Variants in FCHO2 observed in about 807,000 individuals in gnomAD.
FCHO2 encodes the protein F-BAR domain only protein 2.
A neutral mutation model predicts 114.1 loss-of-function variants in FCHO2; 43 were observed. The ratio of observed to expected loss-of-function variants is 0.38; its 90% confidence interval spans 0.30 to 0.49. The LOEUF is 0.49. Ranked by LOEUF, FCHO2 falls within the 20% of genes least tolerant of loss-of-function variation. FCHO2 has a pLI of 0.97. For missense variants in FCHO2, 807 were observed against 950.4 expected, an observed-to-expected ratio of 0.85 and a Z score of 1.98; for synonymous variants, 293 against 315.2, an observed-to-expected ratio of 0.93 and a Z score of 0.75.
intron 2 of FCHO2, among the ~76,000 whole-genome samples, chr5:72,986,054 A>C (rs756632460): frequency 6.6e-6 from 1 of 151,800 alleles, no homozygotes; most frequent in Non-Finnish European, 1.5e-5. Flanking sequence ...CTGAACTTCA[A>C]TGTTGGATAA....
At chr5:73,035,813 A>G (rs561135491) in intron 9 of FCHO2, among the ~76,000 whole-genome samples, 1 of 152,052 alleles carries the variant, frequency 6.6e-6, no homozygotes, top group Non-Finnish European at 1.5e-5. Flanking sequence ...CTACTGCTCA[A>G]TTCTCAAAGA....
At chr5:73,018,838 AT>A (rs374974588) in intron 8 of FCHO2, among the ~76,000 whole-genome samples, 2 of 151,992 alleles carry the variant, frequency 1.3e-5, no homozygotes, top group Non-Finnish European at 2.9e-5. Context: ...TTGCAGTGGT[AT>A]TTTTTTTAGC....
intron 5 of FCHO2, chr5:72,996,883 C>G (rs62360759): frequency 4.7e-6 from 7 of 1,483,536 alleles, no homozygotes; most frequent in Admixed American, 4.0e-5. Flanking sequence ...CCGGGGCCGG[C>G]GGGGCCGGCA....
chr5:72,986,546 C>G (rs1200453357), intron 2 of FCHO2, among the ~76,000 whole-genome samples: 1 of 152,116 alleles, frequency 6.6e-6, no homozygotes, highest in African/African-American at 2.4e-5. Context: ...CTTAACTGCC[C>G]CTTAAGTTTT....
chr5:73,065,385 A>G (rs1462734627), intron 18 of FCHO2, among the ~76,000 whole-genome samples: 2 of 151,994 alleles, frequency 1.3e-5, no homozygotes, highest in Admixed American at 1.3e-4. Flanking sequence ...TTTCCTCTGT[A>G]TTTCACCACC....
chr5:72,978,852 A>C (rs1016025205), intron 2 of FCHO2, among the ~76,000 whole-genome samples: 4 of 152,108 alleles, frequency 2.6e-5, no homozygotes, highest in Admixed American at 1.3e-4. Context: ...CCTTTTCTGC[A>C]TGTATTGAGA....
chr5:73,055,964 A>G, intron 15 of FCHO2, 101 bp from the exon 16 acceptor site: 1 of 749,312 alleles, frequency 1.3e-6, no homozygotes. Context: ...CAAAATTTTT[A>G]ATTGTTATAG....
chr5:73,012,465 A>G (rs1755073546), intron 6 of FCHO2, among the ~76,000 whole-genome samples: 1 of 152,048 alleles, frequency 6.6e-6, no homozygotes, highest in African/African-American at 2.4e-5. Flanking sequence ...CTAAAAATAC[A>G]AAAATTAGCT....
At chr5:73,051,074 C>A in intron 11 of FCHO2, 1 of 337,954 alleles carries the variant, frequency 3.0e-6, no homozygotes, top group Admixed American at 5.1e-5. Context: ...GAATTGGTCC[C>A]CACCTCAGTG....
intron 8 of FCHO2, among the ~76,000 whole-genome samples, chr5:73,023,996 C>A (rs1247646803): frequency 6.6e-6 from 1 of 152,068 alleles, no homozygotes; most frequent in East Asian, 1.9e-4. Context: ...TAGGAATTAC[C>A]TTTAAGCTCA....
intron 11 of FCHO2, among the ~76,000 whole-genome samples, chr5:73,044,977 A>G (rs1756987293): frequency 6.6e-6 from 1 of 152,194 alleles, no homozygotes. Flanking sequence ...TTTTATTAAT[A>G]TCAGGTTTCT....
chr5:73,047,669 C>G (rs1394706265), intron 11 of FCHO2, among the ~76,000 whole-genome samples: 1 of 151,766 alleles, frequency 6.6e-6, no homozygotes, highest in East Asian at 1.9e-4. Context: ...GCTCAAGTCC[C>G]TTACATAAAC....
chr5:73,022,826 C>T (rs1246811705), intron 8 of FCHO2, among the ~76,000 whole-genome samples: 1 of 152,220 alleles, frequency 6.6e-6, no homozygotes, highest in African/African-American at 2.4e-5. Flanking sequence ...TCTTTTCTTT[C>T]ATTTTTGCTT....
chr5:73,062,776 C>G (rs1042745968), intron 17 of FCHO2, among the ~76,000 whole-genome samples: 6 of 152,020 alleles, frequency 3.9e-5, no homozygotes, highest in African/African-American at 1.4e-4. Flanking sequence ...TTCCTACTAC[C>G]TCTATGCACC....
intron 1 of FCHO2, 136 bp downstream of exon 1, chr5:72,956,265 G>A: frequency 8.2e-7 from 1 of 1,225,072 alleles, no homozygotes; most frequent in Non-Finnish European, 1.1e-6. Flanking sequence ...TCCCGCCTGG[G>A]TGAGGTCCGG....
intron 1 of FCHO2, among the ~76,000 whole-genome samples, chr5:72,966,843 T>C (rs1403556190): frequency 6.6e-6 from 1 of 152,244 alleles, no homozygotes; most frequent in African/African-American, 2.4e-5. Flanking sequence ...TAAAGAGAGT[T>C]GTTAAACCTA....
At chr5:73,016,076 A>G (rs975070180) in intron 7 of FCHO2, among the ~76,000 whole-genome samples, 22 of 152,108 alleles carry the variant, frequency 1.4e-4, no homozygotes, top group Non-Finnish European at 3.2e-4. Flanking sequence ...TTTACTTAGA[A>G]GTGTTCCACA....
At chr5:73,039,750 A>G (rs1393596725) in intron 10 of FCHO2, among the ~76,000 whole-genome samples, 1 of 151,974 alleles carries the variant, frequency 6.6e-6, no homozygotes, top group African/African-American at 2.4e-5. Flanking sequence ...CAACATTGTG[A>G]AACCCTATCT....
chr5:73,018,888 G>C (rs2112751163), intron 8 of FCHO2, among the ~76,000 whole-genome samples: 1 of 152,190 alleles, frequency 6.6e-6, no homozygotes, highest in African/African-American at 2.4e-5. Flanking sequence ...ATCTTCAATA[G>C]TTTTCCAAAG....
Sources: allele counts gnomAD v4.1 joint callset (sites outside exome capture counted in the v4.1 genomes callset), GRCh38; gene constraint gnomAD v4.1.1; transcripts MANE v1.5; gene names NCBI Gene and HGNC (gene_info 2026-07-23, HGNC 2026-07-21).